Variants in DCC observed in about 807,000 individuals in gnomAD.
The protein encoded by DCC is DCC netrin 1 receptor.
A neutral mutation model predicts 172.5 loss-of-function variants in DCC; 58 were observed. The ratio of observed to expected loss-of-function variants is 0.34; its 90% CI spans 0.27 to 0.42. The LOEUF (loss-of-function observed/expected upper bound fraction) is 0.42. DCC is among the 10% of genes least tolerant of loss of function. DCC has a pLI of 1.00. For missense variants in DCC, 1,740 were observed against 1,791.0 expected, an observed-to-expected ratio of 0.97 and a Z score of 0.51; for synonymous variants, 709 against 644.5, an observed-to-expected ratio of 1.10 and a Z score of -1.52.
intron 12 of DCC, among the ~76,000 whole-genome samples, chr18:53,223,116 A>G (rs2055969110): frequency 6.6e-6 from 1 of 152,146 alleles, no homozygotes; most frequent in Non-Finnish European, 1.5e-5. Flanking sequence ...AGTTAGAGAC[A>G]TGATTAAATC....
intron 1 of DCC, among the ~76,000 whole-genome samples, chr18:52,717,025 A>G (rs570763270): frequency 1.3e-5 from 2 of 152,156 alleles, no homozygotes; most frequent in Non-Finnish European, 2.9e-5. Flanking sequence ...CTGCCTATTC[A>G]TCTGTGTCCA....
rs369766728 is a variant in DCC at position 52,692,893 on chromosome 18, C to G, written c.92-59161C>G. Among the ~76,000 whole-genome samples the G allele has an allele frequency of 5.3e-5, 8 of 152,202 alleles. No homozygotes were observed. In the East Asian group the frequency reaches 7.7e-4, roughly 15 times the overall value. ...CAATTATAAAAAATGAGAGGCAAGACATAATAAGCATGGCTGAAGAAAAAG... is the reference window on the plus strand; with the variant it reads ...CAATTATAAAAAATGAGAGGCAAGAGATAATAAGCATGGCTGAAGAAAAAG... On this transcript the variant is annotated intron_variant, in intron 1 of 28. Transcript: ENST00000442544.
Position 53,158,724 on chromosome 18 carries a change from C to G in DCC, c.1418+1212C>G, listed in dbSNP as rs2144401206. 2.0e-5 allele frequency among the ~76,000 whole-genome samples: 3 copies of G among 152,094 alleles called. No individual in the cohort carries two copies. The South Asian group carries it at 6.2e-4, about 32-fold the overall frequency. ...AAAGGAAAGAGGCTGGGCAAGGTGACTCCACGCCTGTAATCCCAGCACTTT... is the reference window on the plus strand; with the variant it reads ...AAAGGAAAGAGGCTGGGCAAGGTGAGTCCACGCCTGTAATCCCAGCACTTT... On this transcript the variant is annotated intron_variant, in intron 8 of 28. Transcript: ENST00000442544.
intron 1 of DCC, among the ~76,000 whole-genome samples, chr18:52,511,552 C>A (rs994606648): frequency 2.0e-5 from 3 of 152,064 alleles, no homozygotes; most frequent in African/African-American, 7.2e-5. Context: ...GAATGAGGAC[C>A]TGGGGGGCAG....
At chr18:52,579,204 T>A (rs959960021) in intron 1 of DCC, among the ~76,000 whole-genome samples, 1 of 152,220 alleles carries the variant, frequency 6.6e-6, no homozygotes, top group African/African-American at 2.4e-5. Flanking sequence ...AAATGAAATG[T>A]TCTCGTTTGC....
chr18:53,524,078 G>A (rs1037088783), intron 27 of DCC, among the ~76,000 whole-genome samples: 9 of 151,890 alleles, frequency 5.9e-5, no homozygotes, highest in Non-Finnish European at 1.0e-4. Context: ...ATATTGTGGC[G>A]ATTAGAGTTA....
intron 5 of DCC, among the ~76,000 whole-genome samples, chr18:53,007,747 A>G (rs1810736997): frequency 6.6e-6 from 1 of 152,164 alleles, no homozygotes; most frequent in Non-Finnish European, 1.5e-5. Context: ...ACAAGCTCAG[A>G]GGCTTAAGGA....
chr18:52,944,463 G>A (rs2040510660), intron 5 of DCC, among the ~76,000 whole-genome samples: 2 of 152,148 alleles, frequency 1.3e-5, no homozygotes. Context: ...CACAATATTT[G>A]TCCGAAGAAG....
chr18:53,231,888 A>G (rs1224794849), intron 12 of DCC, among the ~76,000 whole-genome samples: 1 of 152,186 alleles, frequency 6.6e-6, no homozygotes, highest in Non-Finnish European at 1.5e-5. Flanking sequence ...AATATGTGCC[A>G]AAAGACTGAT....
In DCC at chr18:53,459,430, A is replaced by T; in HGVS notation, c.3591A>T (p.Gln1197His). The change falls in exon 24 of 29, where the codon CAA becomes CAT. Residue 1197 changes from glutamine to histidine, a missense_variant. Physicochemically the swap from Gln to His is conservative, Grantham distance 24. Transcript: ENST00000442544. The part of the protein sequence containing the change: ...TPVSHSQSET[Q>H]LGSKSTSHSG... Reference sequence around the variant, plus strand: ...TCAGCCACAGCCAGTCAGAAACCCAACTGGGAAGCAAAAGCACCTCTCATT... The same window carrying T: ...TCAGCCACAGCCAGTCAGAAACCCATCTGGGAAGCAAAAGCACCTCTCATT... 3 of 1,612,994 alleles carry T rather than the reference A, an allele frequency of 1.9e-6. No individual in the cohort carries two copies. Among genetic ancestry groups the T allele is most frequent in the Non-Finnish European group, 2.5e-6 (3 of 1,179,084 alleles).
intron 12 of DCC, among the ~76,000 whole-genome samples, chr18:53,250,958 G>A (rs1343382484): frequency 6.6e-6 from 1 of 151,824 alleles, no homozygotes; most frequent in Non-Finnish European, 1.5e-5. Flanking sequence ...GATGAGCCTT[G>A]TTGTGCATGG....
intron 2 of DCC, among the ~76,000 whole-genome samples, chr18:52,758,378 C>T (rs994335114): frequency 6.6e-6 from 1 of 152,086 alleles, no homozygotes. Flanking sequence ...CATTTCTTGA[C>T]TTGTTATTTC....
chr18:52,601,238 C>G (rs1423227884), intron 1 of DCC, among the ~76,000 whole-genome samples: 1 of 151,946 alleles, frequency 6.6e-6, no homozygotes, highest in Non-Finnish European at 1.5e-5. Context: ...ATTTGCATGC[C>G]TACCTACAAT....
intron 2 of DCC, among the ~76,000 whole-genome samples, chr18:52,786,190 C>T (rs1040215853): frequency 1.5e-4 from 23 of 152,022 alleles, no homozygotes; most frequent in African/African-American, 5.6e-4. Flanking sequence ...CTAAACAAAA[C>T]TCCAGGTTAT....
chr18:52,610,382 C>CAAAAA (rs55715009), intron 1 of DCC, among the ~76,000 whole-genome samples: 114 of 49,982 alleles, frequency 2.3e-3, no homozygotes, highest in East Asian at 3.0e-3. Context: ...TCTGTCTCAA[C>CAAAAA]AAAAAAAAAA....
chr18:53,164,443 A>C (rs2144418768), intron 8 of DCC, among the ~76,000 whole-genome samples: 1 of 152,280 alleles, frequency 6.6e-6, no homozygotes, highest in South Asian at 2.1e-4. Context: ...TAAAAAGAAC[A>C]TTATACCTCT....
intron 2 of DCC, among the ~76,000 whole-genome samples, chr18:52,759,246 T>C (rs184946915): frequency 1.3e-5 from 2 of 152,314 alleles, no homozygotes; most frequent in East Asian, 1.9e-4. Context: ...AGTAGGGTTT[T>C]AGTTGCCTCC....
chr18:53,044,061 T>A (rs7506451), intron 5 of DCC, among the ~76,000 whole-genome samples: 49,715 of 151,878 alleles, frequency 0.33, 9,034 homozygotes, highest in Non-Finnish European at 0.42. Context: ...TCTTGCCTAC[T>A]AATATCCGGA....
chr18:52,775,195 G>C (rs186088221), intron 2 of DCC, among the ~76,000 whole-genome samples: 1 of 152,264 alleles, frequency 6.6e-6, no homozygotes, highest in East Asian at 1.9e-4. Flanking sequence ...GTGACATGGG[G>C]AGTGGCTCGT....
Sources: allele counts gnomAD v4.1 joint callset (sites outside exome capture counted in the v4.1 genomes callset), GRCh38; gene constraint gnomAD v4.1.1; transcripts MANE v1.5; gene names NCBI Gene and HGNC (gene_info 2026-07-23, HGNC 2026-07-21).